DMD: variants seen among roughly 807,000 people sequenced by gnomAD.
DMD encodes the protein mutant dystrophin.
In DMD, 63 loss-of-function variants were observed where a neutral mutation model predicts 330.1. The ratio of observed to expected loss-of-function variants is 0.19; its 90% CI spans 0.16 to 0.24. DMD has a LOEUF of 0.24. Among genes scored for constraint, DMD ranks in the 10% least tolerant of loss-of-function variants. The probability of loss-of-function intolerance (pLI) is 1.00; values close to 1 mark genes in which losing one functional copy is unlikely to be tolerated. For synonymous variants in DMD, 1,223 were observed against 959.8 expected (o/e 1.27, Z -5.07); for missense variants, 3,344 against 2,684.1 (o/e 1.25, Z -5.43).
intron 50 of DMD, among the ~76,000 whole-genome samples, chrX:31,815,247 C>G (rs2092590094): frequency 9.0e-6 from 1 of 111,613 alleles, no homozygotes; most frequent in Admixed American, 9.4e-5. Flanking sequence ...GTCAGGAGTT[C>G]GAGACCAGCC....
chrX:31,673,204 C>T (rs2081903971), intron 53 of DMD, among the ~76,000 whole-genome samples: 1 of 112,168 alleles, frequency 8.9e-6, no homozygotes, highest in African/African-American at 3.2e-5. Flanking sequence ...TACTGTGGAG[C>T]TGGGAGAAAG....
intron 55 of DMD, among the ~76,000 whole-genome samples, chrX:31,551,708 C>A (rs1363397948): frequency 8.9e-6 from 1 of 112,199 alleles, no homozygotes; most frequent in Admixed American, 9.4e-5. Flanking sequence ...GGGTTTAATT[C>A]CAACCACATA....
At chrX:32,188,378 T>C (rs1182033446) in intron 44 of DMD, among the ~76,000 whole-genome samples, 14 of 106,203 alleles carry the variant, frequency 1.3e-4, no homozygotes, top group Middle Eastern at 8.5e-3. Context: ...CTGTCTCCCA[T>C]GAAGCTTATA....
intron 21 of DMD, among the ~76,000 whole-genome samples, chrX:32,474,823 T>C (rs967843449): frequency 5.4e-5 from 6 of 111,764 alleles, no homozygotes; most frequent in African/African-American, 1.9e-4. Flanking sequence ...GCTGTGCTGA[T>C]TGTTCCTTTT....
At chrX:33,081,007 C>CACACACAAAA (rs1441153335) in intron 1 of DMD, among the ~76,000 whole-genome samples, 85 of 98,055 alleles carry the variant, frequency 8.7e-4, no homozygotes, top group African/African-American at 3.3e-3. Flanking sequence ...CACACACACA[C>CACACACAAAA]AAAAACACAT....
chrX:31,314,838 C>G (rs1051287489), intron 62 of DMD, among the ~76,000 whole-genome samples: 3 of 109,274 alleles, frequency 2.7e-5, no homozygotes, highest in Non-Finnish European at 5.7e-5. Context: ...CTCCCTACCC[C>G]CTACTCCCCC....
chrX:33,106,054 C>CCACACA (rs1557263796), intron 1 of DMD, among the ~76,000 whole-genome samples: 1 of 89,441 alleles, frequency 1.1e-5, no homozygotes, highest in Non-Finnish European at 2.1e-5. Context: ...GATACACACA[C>CCACACA]CACACACACA....
At chrX:31,457,471 T>C (rs1385525809) in intron 59 of DMD, among the ~76,000 whole-genome samples, 1 of 111,835 alleles carries the variant, frequency 8.9e-6, no homozygotes, top group Non-Finnish European at 1.9e-5. Context: ...GGCTAATGGA[T>C]ATCATTTCAT....
intron 1 of DMD, among the ~76,000 whole-genome samples, chrX:33,314,570 GTT>G (rs1170142842): frequency 3.3e-4 from 26 of 79,046 alleles, no homozygotes; most frequent in African/African-American, 1.3e-3. Flanking sequence ...TTTTTTTTTT[GTT>G]TTTTTTTTTT....
intron 7 of DMD, among the ~76,000 whole-genome samples, chrX:32,704,677 G>A (rs1220436680): frequency 8.9e-6 from 1 of 112,000 alleles, no homozygotes; most frequent in African/African-American, 3.2e-5. Context: ...AAACCATGAT[G>A]AGCATCAACC....
chrX:32,998,490 A>C (rs1175527422), intron 2 of DMD, among the ~76,000 whole-genome samples: 3 of 110,420 alleles, frequency 2.7e-5, no homozygotes, highest in Non-Finnish European at 5.7e-5. Context: ...ATGAACAACT[A>C]ATCTGAGAGT....
intron 19 of DMD, among the ~76,000 whole-genome samples, chrX:32,500,501 A>G (rs1183980172): frequency 1.8e-5 from 2 of 112,052 alleles, no homozygotes; most frequent in South Asian, 3.7e-4. Context: ...TAACTATGAC[A>G]TGAGACCATT....
chrX:31,396,397 A>C (rs1569537746), intron 60 of DMD, among the ~76,000 whole-genome samples: 1 of 111,123 alleles, frequency 9.0e-6, no homozygotes, highest in East Asian at 2.8e-4. Flanking sequence ...TCGGCCTCCC[A>C]AAGTGCTGGG....
chrX:32,046,917 C>T (rs1471367284), intron 44 of DMD, among the ~76,000 whole-genome samples: 1 of 110,947 alleles, frequency 9.0e-6, no homozygotes, highest in Non-Finnish European at 1.9e-5. Context: ...TGCCCATCTA[C>T]TATAATTTTT....
intron 44 of DMD, among the ~76,000 whole-genome samples, chrX:32,213,419 C>T (rs1451465978): frequency 1.8e-5 from 2 of 112,318 alleles, no homozygotes; most frequent in Non-Finnish European, 3.8e-5. Context: ...GATAATTACT[C>T]AGAATGGAAA....
intron 7 of DMD, among the ~76,000 whole-genome samples, chrX:32,730,527 C>T (rs1352862634): frequency 1.8e-5 from 2 of 111,623 alleles, no homozygotes; most frequent in Non-Finnish European, 3.8e-5. Context: ...GAGTGTCTTC[C>T]TAGGCAATAG....
intron 4 of DMD, among the ~76,000 whole-genome samples, chrX:32,824,699 A>C (rs1160471558): frequency 8.9e-6 from 1 of 111,968 alleles, no homozygotes; most frequent in Admixed American, 9.5e-5. Context: ...TGGTGGATTT[A>C]CAAACCTACA....
chrX:32,596,807 A>G (rs754541450), intron 12 of DMD, among the ~76,000 whole-genome samples: 1 of 110,907 alleles, frequency 9.0e-6, no homozygotes, highest in East Asian at 2.9e-4. Flanking sequence ...TCAGCCTCCC[A>G]AAGTGCTGAG....
intron 44 of DMD, among the ~76,000 whole-genome samples, chrX:32,062,100 G>A (rs1490886457): frequency 9.0e-6 from 1 of 110,559 alleles, no homozygotes; most frequent in Non-Finnish European, 1.9e-5. Flanking sequence ...ACATATTCAG[G>A]GTCATTCAGC....
Sources: allele counts gnomAD v4.1 joint callset (sites outside exome capture counted in the v4.1 genomes callset), GRCh38; gene constraint gnomAD v4.1.1; transcripts MANE v1.5; gene names NCBI Gene and HGNC (gene_info 2026-07-23, HGNC 2026-07-21).